The following ELMO1 variants were observed in gnomAD, a reference collection of about 807,000 sequenced individuals.
ELMO1 encodes the protein engulfment and cell motility protein 1.
ELMO1 carries 26 observed loss-of-function variants against 98.9 expected under a neutral mutation model. The observed-to-expected ratio is 0.26, with a 90% confidence interval of 0.19 to 0.36. The LOEUF is 0.36. Among genes scored for constraint, ELMO1 ranks in the 10% least tolerant of loss-of-function variants. The probability of loss-of-function intolerance (pLI) is 1.00; values close to 1 mark genes in which losing one functional copy is unlikely to be tolerated. For missense variants in ELMO1, 627 were observed against 935.2 expected (o/e 0.67, Z 4.30); for synonymous variants, 346 against 346.0 (o/e 1.00, Z 0.00).
chr7:36,875,606 T>G (rs1171606644), intron 19 of ELMO1, among the ~76,000 whole-genome samples: 1 of 152,240 alleles, frequency 6.6e-6, no homozygotes, highest in Non-Finnish European at 1.5e-5. Flanking sequence ...CCTTGCTCAG[T>G]GGCCACTGCG....
At chr7:37,363,746 AC>A (rs1801789076) in intron 1 of ELMO1, among the ~76,000 whole-genome samples, 1 of 152,226 alleles carries the variant, frequency 6.6e-6, no homozygotes, top group Non-Finnish European at 1.5e-5. Context: ...GAGTCAGAAG[AC>A]AAGAGGATAA....
chr7:37,413,324 T>G (rs1417578068), intron 1 of ELMO1, among the ~76,000 whole-genome samples: 1 of 152,142 alleles, frequency 6.6e-6, no homozygotes, highest in Non-Finnish European at 1.5e-5. Flanking sequence ...CTCTTCGTCC[T>G]TTGTATTGTG....
intron 7 of ELMO1, among the ~76,000 whole-genome samples, chr7:37,236,247 G>A (rs1794453783): frequency 6.6e-6 from 1 of 152,160 alleles, no homozygotes; most frequent in Admixed American, 6.5e-5. Flanking sequence ...AAAAAAAGCT[G>A]GAGAGAAGGA....
At chr7:36,953,011 G>A (rs1010024930) in intron 16 of ELMO1, among the ~76,000 whole-genome samples, 10 of 124,006 alleles carry the variant, frequency 8.1e-5, no homozygotes, top group Non-Finnish European at 1.1e-4. Context: ...TCGCTCTGTC[G>A]CCCCAGCTAA....
chr7:37,053,006 A>C (rs2129206079), intron 15 of ELMO1, among the ~76,000 whole-genome samples: 1 of 152,308 alleles, frequency 6.6e-6, no homozygotes, highest in Non-Finnish European at 1.5e-5. Context: ...GTCAGGCAGA[A>C]AGAATCCAGT....
At chr7:37,188,900 T>C (rs1318128317) in intron 13 of ELMO1, among the ~76,000 whole-genome samples, 1 of 144,360 alleles carries the variant, frequency 6.9e-6, no homozygotes, top group Non-Finnish European at 1.5e-5. Flanking sequence ...AGTTTCATCA[T>C]TGCTGCAGCT....
At chr7:37,356,329 C>A (rs562938204) in intron 1 of ELMO1, among the ~76,000 whole-genome samples, 2 of 152,046 alleles carry the variant, frequency 1.3e-5, no homozygotes, top group Admixed American at 6.6e-5. Flanking sequence ...GTAATGGGAT[C>A]GCTGGGTCAA....
rs554679426 is a variant in ELMO1 at position 36,866,791 on chromosome 7, T to G, written c.1905+3602A>C. 5.3e-5 allele frequency among the ~76,000 whole-genome samples: 8 copies of G among 152,272 alleles called. No individual in the cohort carries two copies. The South Asian group carries it at 1.4e-3, about 28-fold the overall frequency. On this transcript the variant is annotated intron_variant, in intron 20 of 21. Coordinates refer to ENST00000310758, the MANE Select transcript of ELMO1 (RefSeq NM_014800.11). ...TCCATCCACTGTGTACTGACAGACC[T>G]CTTATGAACACATTCTGGTCAATTC...
At chr7:37,415,967 G>A (rs1804196568) in intron 1 of ELMO1, among the ~76,000 whole-genome samples, 1 of 152,122 alleles carries the variant, frequency 6.6e-6, no homozygotes, top group Admixed American at 6.6e-5. Context: ...TACAAATTAA[G>A]TTAAAAACAT....
At chr7:36,912,550 G>A (rs1784412690) in intron 16 of ELMO1, among the ~76,000 whole-genome samples, 1 of 151,992 alleles carries the variant, frequency 6.6e-6, no homozygotes, top group African/African-American at 2.4e-5. Flanking sequence ...AGCTCCTAAG[G>A]GCCAACCCCT....
intron 17 of ELMO1, among the ~76,000 whole-genome samples, chr7:36,890,996 C>T (rs1344288995): frequency 1.3e-5 from 2 of 150,292 alleles, no homozygotes; most frequent in Non-Finnish European, 3.0e-5. Context: ...CTGGAGTACC[C>T]TTCTCCCAAA....
At chr7:37,133,821 G>C (rs925774066) in intron 13 of ELMO1, among the ~76,000 whole-genome samples, 2 of 152,134 alleles carry the variant, frequency 1.3e-5, no homozygotes, top group Non-Finnish European at 2.9e-5. Flanking sequence ...CAGGAAGTCT[G>C]AGAACCTTCC....
chr7:37,406,496 CTCGGCTCA>C (rs969433601), intron 1 of ELMO1, among the ~76,000 whole-genome samples: 2 of 152,018 alleles, frequency 1.3e-5, no homozygotes, highest in Admixed American at 6.5e-5. Context: ...GTGGCGCGAT[CTCGGCTCA>C]CTGCAAGCTC....
chr7:37,267,451 CGTGT>C (rs1239801028), intron 5 of ELMO1, among the ~76,000 whole-genome samples: 3 of 152,000 alleles, frequency 2.0e-5, no homozygotes, highest in Non-Finnish European at 2.9e-5. Flanking sequence ...CGCGCGCACG[CGTGT>C]GTGTGTGTGT....
intron 15 of ELMO1, among the ~76,000 whole-genome samples, chr7:37,069,694 G>A (rs1308520562): frequency 2.0e-5 from 3 of 152,114 alleles, no homozygotes; most frequent in Non-Finnish European, 4.4e-5. Flanking sequence ...ACCGATCTCC[G>A]ATTTCATACT....
intron 13 of ELMO1, among the ~76,000 whole-genome samples, chr7:37,166,134 TTG>T (rs1691173421): frequency 6.6e-6 from 1 of 152,232 alleles, no homozygotes; most frequent in Admixed American, 6.5e-5. Context: ...ATAGAGGTGT[TTG>T]TAGTAATCTC....
At chr7:36,866,100 AT>A (rs1314805617) in intron 20 of ELMO1, among the ~76,000 whole-genome samples, 7 of 152,344 alleles carry the variant, frequency 4.6e-5, no homozygotes, top group Admixed American at 1.3e-4. Context: ...CACTCTGGTG[AT>A]TTCATGTTGA....
chr7:36,881,425 T>A (rs904989093), intron 18 of ELMO1, among the ~76,000 whole-genome samples: 1 of 152,208 alleles, frequency 6.6e-6, no homozygotes, highest in African/African-American at 2.4e-5. Context: ...AGCATGATGT[T>A]ACTTGTTCCT....
At chr7:37,013,109 G>A (rs1012078299) in intron 16 of ELMO1, among the ~76,000 whole-genome samples, 190 bp downstream of exon 16, 1 of 152,166 alleles carries the variant, frequency 6.6e-6, no homozygotes, top group East Asian at 1.9e-4. Flanking sequence ...GAGGGATGAG[G>A]TCATCCCCAG....
Sources: gnomAD v4.1 joint callset for allele counts (sites outside exome capture counted in the v4.1 genomes callset) on GRCh38, gnomAD v4.1.1 for gene constraint, MANE v1.5 for transcripts, NCBI Gene and HGNC (gene_info 2026-07-23, HGNC 2026-07-21) for gene names.